Variants in TBC1D9 observed in about 807,000 individuals in gnomAD.
TBC1D9 encodes the protein TBC1 domain family member 9, also known as TBC1 domain family member 9A.
TBC1D9 carries 63 observed loss-of-function variants against 132.0 expected under a neutral mutation model. The observed-to-expected ratio is 0.48, with a 90% CI of 0.39 to 0.59. TBC1D9 has a LOEUF of 0.59. Ranked by LOEUF, TBC1D9 falls within the 20% of genes least tolerant of loss-of-function variation. The pLI, the probability that TBC1D9 is intolerant of heterozygous loss-of-function variation, is 0.00. For missense variants in TBC1D9, 1,261 were observed against 1,592.7 expected, an observed-to-expected ratio of 0.79 and a Z score of 3.54; for synonymous variants, 610 against 609.9, an observed-to-expected ratio of 1.00 and a Z score of 0.00.
intron 1 of TBC1D9, among the ~76,000 whole-genome samples, chr4:140,737,500 C>T (rs150182367): frequency 1.7e-3 from 254 of 151,906 alleles, no homozygotes; most frequent in Non-Finnish European, 2.5e-3. Context: ...CTCACATTCA[C>T]ATCCATAGGG....
In TBC1D9 at chr4:140,669,035, C is replaced by A. The variant is rs1190694195; in HGVS notation, c.1470G>T (p.Lys490Asn). Residue 490 changes from lysine (K) to asparagine (N), a missense_variant, in exon 9 of 21, where the codon AAG becomes AAT. By Grantham distance (94) the Lys-to-Asn change is moderately conservative. This residue lies in a region of TBC1D9 where 550 missense variants were observed against 699.0 expected (regional missense o/e 0.79). Transcript: ENST00000442267. ...CTTGCCCATACTCAGCAAAGTGAAT[C>A]TTCCAGGCTTGCTCTTTCAGAAACT... Reference protein sequence around the residue: ...AKEFLKEQAWKIHFAEYGQGI... With the variant: ...AKEFLKEQAWNIHFAEYGQGI... 6.2e-7 allele frequency: 1 copy of A among 1,613,904 alleles called. No homozygotes were observed. The highest frequency in any genetic ancestry group is 8.5e-7 in the Non-Finnish European group (1 of 1,179,886).
chr4:140,704,399 T>TAAAA (rs1553971731), intron 1 of TBC1D9, among the ~76,000 whole-genome samples: 1 of 133,522 alleles, frequency 7.5e-6, no homozygotes, highest in East Asian at 2.2e-4. Flanking sequence ...AGACTCTGTC[T>TAAAA]CAAACAAACA....
intron 15 of TBC1D9, among the ~76,000 whole-genome samples, chr4:140,635,530 C>T (rs1736866116): frequency 6.6e-6 from 1 of 152,076 alleles, no homozygotes; most frequent in African/African-American, 2.4e-5. Flanking sequence ...TTTGAAAATC[C>T]TTCTCTTTTC....
In TBC1D9 at chr4:140,624,227, C is replaced by T. The variant is rs1000390048; in HGVS notation, c.2975-8G>A. 5 of 1,611,054 alleles carry T rather than the reference C, an allele frequency of 3.1e-6. No individual in the cohort carries two copies. Among genetic ancestry groups the T allele is most frequent in the Non-Finnish European group, 3.4e-6 (4 of 1,178,426 alleles). ...GGGAATTTGCTCTCTTCCCTACAAC[C>T]CAAATGTCAAGAAATAAGTGCTTAC... On this transcript the variant is annotated splice_region_variant and splice_polypyrimidine_tract_variant and intron_variant, in intron 19 of 20. Transcript: ENST00000442267.
At chr4:140,667,668 TAGG>T (rs1469581104) in intron 9 of TBC1D9, among the ~76,000 whole-genome samples, 1 of 151,770 alleles carries the variant, frequency 6.6e-6, no homozygotes, top group African/African-American at 2.4e-5. Flanking sequence ...GAGGCTGAGG[TAGG>T]AGGATTGATT....
chr4:140,628,245 C>A, intron 17 of TBC1D9, 55 bp downstream of exon 17: 7 of 1,558,226 alleles, frequency 4.5e-6, no homozygotes, highest in African/African-American at 1.4e-5. Context: ...AAAACAGAGA[C>A]TTCAAGCCAG....
chr4:140,723,954 G>A (rs1172052299), intron 1 of TBC1D9, among the ~76,000 whole-genome samples: 2 of 151,962 alleles, frequency 1.3e-5, no homozygotes, highest in African/African-American at 2.4e-5. Flanking sequence ...TTTTGCCTAG[G>A]CTGGTCTCAA....
chr4:140,688,633 C>T (rs1321580555), intron 2 of TBC1D9, among the ~76,000 whole-genome samples: 4 of 152,066 alleles, frequency 2.6e-5, no homozygotes, highest in Non-Finnish European at 5.9e-5. Flanking sequence ...GGTGCCACTG[C>T]ACTTCAGCCT....
At chr4:140,628,660 C>T (rs4956466) in intron 16 of TBC1D9, among the ~76,000 whole-genome samples, 35,244 of 151,960 alleles carry the variant, frequency 0.23, 5,548 homozygotes, top group African/African-American at 0.45. Flanking sequence ...CAGGACTCCA[C>T]GAAATGTCAG....
At chr4:140,685,925 A>G (rs1737772106) in intron 3 of TBC1D9, among the ~76,000 whole-genome samples, 1 of 145,984 alleles carries the variant, frequency 6.9e-6, no homozygotes, top group African/African-American at 2.7e-5. Flanking sequence ...CATAGTGACT[A>G]GGTGACTATA....
At chr4:140,624,418 T>G (rs772730252) in intron 18 of TBC1D9, 30 bp from the exon 19 acceptor site, 4 of 1,542,716 alleles carry the variant, frequency 2.6e-6, no homozygotes, top group Non-Finnish European at 3.6e-6. Context: ...AAGAAAAAAG[T>G]AGAATGTTAT....
chr4:140,755,476 C>T (rs1163709157), intron 1 of TBC1D9, among the ~76,000 whole-genome samples: 3 of 152,100 alleles, frequency 2.0e-5, no homozygotes, highest in South Asian at 4.1e-4. Flanking sequence ...TTATCGCTTC[C>T]CTGGAAACAA....
At chr4:140,656,915 C>T (rs1401982449) in intron 13 of TBC1D9, among the ~76,000 whole-genome samples, 182 bp downstream of exon 13, 1 of 152,226 alleles carries the variant, frequency 6.6e-6, no homozygotes, top group African/African-American at 2.4e-5. Context: ...ATCTTGGAAG[C>T]AGAAAGGCCA....
intron 1 of TBC1D9, among the ~76,000 whole-genome samples, chr4:140,751,789 CA>C (rs1266653979): frequency 6.6e-6 from 1 of 152,134 alleles, no homozygotes; most frequent in Non-Finnish European, 1.5e-5. Context: ...CTTGAACAAT[CA>C]TATCTCAAAA....
intron 6 of TBC1D9, among the ~76,000 whole-genome samples, chr4:140,674,689 A>AT (rs1479837510): frequency 6.6e-4 from 97 of 146,620 alleles, no homozygotes; most frequent in African/African-American, 2.2e-3. Context: ...ATATATATAT[A>AT]TATTTTTTTT....
chr4:140,716,623 C>T lies in TBC1D9; in HGVS notation c.131-15009G>A, dbSNP rs542911974. The stretch of plus-strand genomic sequence containing the variant: ...CATTTCCAGGAAACCATTCTCTTTT[C>T]ATGCTATAAACTTGTCACAACAGAG... On this transcript the variant is annotated intron_variant, in intron 1 of 20. Transcript: ENST00000442267. Among the ~76,000 whole-genome samples, 497 of 152,242 alleles carry T rather than the reference C, an allele frequency of 3.3e-3. 3 individuals carry two copies. The highest frequency in any genetic ancestry group is 0.011 in the African/African-American group (468 of 41,522).
At chr4:140,632,727 T>C (rs1051794699) in intron 16 of TBC1D9, among the ~76,000 whole-genome samples, 11 of 152,158 alleles carry the variant, frequency 7.2e-5, no homozygotes, top group Non-Finnish European at 1.5e-4. Context: ...CTGTGCCTCT[T>C]GAGTACGTGG....
chr4:140,653,301 C>T (rs532232601), intron 13 of TBC1D9, among the ~76,000 whole-genome samples: 10 of 152,264 alleles, frequency 6.6e-5, no homozygotes, highest in East Asian at 3.9e-4. Flanking sequence ...TCAATTGTCA[C>T]GGCTAATTAT....
Position 140,622,530 on chromosome 4 carries a change from T to C in TBC1D9, c.3466A>G (p.Thr1156Ala). Residue 1156 changes from threonine to alanine, a missense_variant, in exon 21 of 21, where the codon ACC (threonine) becomes GCC (alanine). Physicochemically the swap from Thr to Ala is moderately conservative, Grantham distance 58. Transcript: ENST00000442267. ...GAGGACATGGAGCTGTCGTCCTTGG[T>C]GTCGTCGTCAGAGATCAGCATGGAG... ...CSSMLISDDDTKDDSSMSSYS... is the reference protein window; with the variant it reads ...CSSMLISDDDAKDDSSMSSYS... The C allele has an allele frequency of 6.2e-7, 1 of 1,614,036 alleles. No individual in the cohort carries two copies. The highest frequency in any genetic ancestry group is 1.3e-5 in the African/African-American group (1 of 75,072).
Sources: gnomAD v4.1 joint callset for allele counts (sites outside exome capture counted in the v4.1 genomes callset) on GRCh38, gnomAD v4.1.1 for gene constraint, gnomAD v4.1.1 regional missense constraint, MANE v1.5 for transcripts, NCBI Gene and HGNC (gene_info 2026-07-23, HGNC 2026-07-21) for gene names.